FHL2: variants seen among roughly 807,000 people sequenced by gnomAD.
FHL2 encodes four and a half LIM domains 2, also known as four and a half LIM domains protein 2.
A neutral mutation model predicts 32.7 loss-of-function variants in FHL2; 20 were observed. The ratio of observed to expected loss-of-function variants is 0.61; its 90% CI spans 0.43 to 0.89. The LOEUF (loss-of-function observed/expected upper bound fraction) is 0.89, where lower values mean the gene tolerates loss of function less well. Ranked by LOEUF, FHL2 falls within the 40% of genes least tolerant of loss-of-function variation. The pLI, the probability that FHL2 is intolerant of heterozygous loss-of-function variation, is 0.00. For missense variants in FHL2, 311 were observed against 358.6 expected (o/e 0.87, Z 1.07); for synonymous variants, 123 against 128.1 (o/e 0.96, Z 0.27).
intron 2 of FHL2, among the ~76,000 whole-genome samples, chr2:105,387,135 A>C (rs2104590855): frequency 6.6e-6 from 1 of 152,314 alleles, no homozygotes; most frequent in South Asian, 2.1e-4. Flanking sequence ...TTTTAAATGC[A>C]GGTAAGGGCT....
chr2:105,380,396 A>G (rs1681802977), intron 3 of FHL2, among the ~76,000 whole-genome samples: 1 of 152,084 alleles, frequency 6.6e-6, no homozygotes, highest in African/African-American at 2.4e-5. Context: ...CTGTCTATCT[A>G]TCATCTATCT....
rs1680222751 is a variant in FHL2, at chr2:105,361,145, A to G, written c.*138T>C. On this transcript the variant is annotated 3_prime_UTR_variant, in exon 7 of 7. Transcript: ENST00000530340. Reference sequence around the variant, plus strand: ...ACAAAGCACTAAAGGGTTTAAGCAAACGTGAGTATCACTGAAAAGCACTAG... The same window carrying G: ...ACAAAGCACTAAAGGGTTTAAGCAAGCGTGAGTATCACTGAAAAGCACTAG... 2 of 859,296 alleles carry G rather than the reference A, an allele frequency of 2.3e-6. No individual in the cohort carries two copies. Among genetic ancestry groups the G allele is most frequent in the Non-Finnish European group, 3.6e-6 (2 of 552,818 alleles). 53.2% of individuals were successfully genotyped at this position (859,296 alleles called of 1,614,324 possible). A position where few individuals can be genotyped will look rare whatever the true frequency, so the allele number is the denominator to read the frequency against.
At chr2:105,405,399 G>T (rs546392809) in intron 1 of FHL2, among the ~76,000 whole-genome samples, 5 of 152,224 alleles carry the variant, frequency 3.3e-5, no homozygotes, top group Non-Finnish European at 5.9e-5. Flanking sequence ...TGCCTCACTT[G>T]TTCCTCAGAA....
Position 105,363,481 on chromosome 2 carries a change from CG to C in FHL2, c.502-11del, listed in dbSNP as rs1680422397. ...CTCCCGTGGTGATGGGCTGCAGGGA[CG>C]AGGGGGAGAGTTAGTGTGGCCTCTG... On this transcript the variant is annotated splice_polypyrimidine_tract_variant and intron_variant, in intron 5 of 6. Transcript: ENST00000530340. 6.3e-7 allele frequency: 1 copy of C among 1,597,822 alleles called. No individual in the cohort carries two copies. The highest frequency in any genetic ancestry group is 8.5e-7 in the Non-Finnish European group (1 of 1,171,966).
chr2:105,424,842 A>C (rs1684209542), intron 1 of FHL2, among the ~76,000 whole-genome samples: 1 of 152,166 alleles, frequency 6.6e-6, no homozygotes, highest in African/African-American at 2.4e-5. Context: ...GGACACACGG[A>C]GGGGAACATC....
intron 1 of FHL2, among the ~76,000 whole-genome samples, chr2:105,412,757 G>A (rs1290787365): frequency 6.6e-6 from 1 of 152,188 alleles, no homozygotes; most frequent in Non-Finnish European, 1.5e-5. Flanking sequence ...CAGAGGCGGG[G>A]GCAGTGAAGC....
chr2:105,398,767 C>T, intron 1 of FHL2, 75 bp downstream of exon 1: 2 of 1,254,194 alleles, frequency 1.6e-6, no homozygotes, highest in Non-Finnish European at 2.1e-6. Context: ...CTCCTTTCTC[C>T]CGGCTTCTCC....
chr2:105,413,343 A>G (rs1351501179), intron 1 of FHL2, among the ~76,000 whole-genome samples: 1 of 152,214 alleles, frequency 6.6e-6, no homozygotes, highest in Non-Finnish European at 1.5e-5. Context: ...TAGTCAGACT[A>G]ACGAAACGAT....
chr2:105,419,465 T>C (rs2104666376), intron 1 of FHL2, among the ~76,000 whole-genome samples: 1 of 152,278 alleles, frequency 6.6e-6, no homozygotes, highest in East Asian at 1.9e-4. Context: ...AAGGAGGACA[T>C]AAATTTCCCT....
rs1681261716 is a variant in FHL2 at position 105,373,709 on chromosome 2, A to T, written c.181T>A (p.Trp61Arg). ...GAGCAGTGGAAACAGGCTTCATGCC[A>T]GTGCCGGTCCTTGTAAGACAAGTCC... ...CKDLSYKDRH[W>R]HEACFHCSQC... The change falls in exon 4 of 7, where the codon TGG becomes AGG. Residue 61 changes from tryptophan to arginine, a missense_variant. Coordinates refer to ENST00000530340, the MANE Select transcript of FHL2 (RefSeq NM_001318895.3). 1.9e-6 allele frequency: 3 copies of T among 1,614,012 alleles called. No homozygotes were observed. Among genetic ancestry groups the T allele is most frequent in the Non-Finnish European group, 2.5e-6 (3 of 1,180,044 alleles).
intron 1 of FHL2, among the ~76,000 whole-genome samples, chr2:105,428,686 C>T (rs1480205458): frequency 6.6e-6 from 1 of 152,184 alleles, no homozygotes; most frequent in African/African-American, 2.4e-5. Flanking sequence ...CTGTTGTGGC[C>T]TGGGTTGCCA....
chr2:105,379,637 G>GT (rs1165903177), intron 3 of FHL2, among the ~76,000 whole-genome samples: 3 of 152,172 alleles, frequency 2.0e-5, no homozygotes, highest in Admixed American at 1.3e-4. Context: ...CTGTGCTCCT[G>GT]TTTTTTACCT....
intron 3 of FHL2, among the ~76,000 whole-genome samples, chr2:105,374,946 G>A (rs1681358753): frequency 6.6e-6 from 1 of 152,198 alleles, no homozygotes; most frequent in African/African-American, 2.4e-5. Context: ...GCACAGGAGG[G>A]CTGTTCACGC....
chr2:105,362,954 AG>A (rs1338019075), intron 6 of FHL2: 4 of 287,774 alleles, frequency 1.4e-5, no homozygotes, highest in African/African-American at 4.3e-5. Context: ...ACAGCTGCTA[AG>A]CCTGAAAAGG....
intron 1 of FHL2, among the ~76,000 whole-genome samples, chr2:105,405,031 C>A (rs11888592): frequency 6.6e-6 from 1 of 151,810 alleles, no homozygotes; most frequent in Non-Finnish European, 1.5e-5. Context: ...CATTAATGAC[C>A]AATAGAATGA....
intron 1 of FHL2, among the ~76,000 whole-genome samples, chr2:105,420,497 G>T (rs1684068863): frequency 6.6e-6 from 1 of 152,052 alleles, no homozygotes; most frequent in Non-Finnish European, 1.5e-5. Context: ...TATCAATTTG[G>T]GGGAGAGACA....
intron 1 of FHL2, among the ~76,000 whole-genome samples, chr2:105,427,794 G>A (rs1167625883): frequency 6.6e-6 from 1 of 152,064 alleles, no homozygotes; most frequent in Non-Finnish European, 1.5e-5. Flanking sequence ...TGAGGCTTTG[G>A]GCTCAGAGAA....
At position 105,382,401 on chromosome 2, in the gene FHL2, T is replaced by C. The variant is rs6743278; in HGVS notation, c.156+3960A>G. 3.3e-3 allele frequency among the ~76,000 whole-genome samples: 508 copies of C among 152,338 alleles called. 1 individual carries two copies. Among genetic ancestry groups the C allele is most frequent in the African/African-American group, 0.012 (482 of 41,580 alleles). ...GCAGGTAGCAGGTGGCATCACATGCTAGGTGAGGACCCTCCGGGTCTGGGC... is the reference window on the plus strand; with the variant it reads ...GCAGGTAGCAGGTGGCATCACATGCCAGGTGAGGACCCTCCGGGTCTGGGC... On this transcript the variant is annotated intron_variant, in intron 3 of 6. Transcript: ENST00000530340.
At chr2:105,396,916 C>T in intron 1 of FHL2, 1 of 531,058 alleles carries the variant, frequency 1.9e-6, no homozygotes, top group Non-Finnish European at 3.3e-6. Context: ...GCGACTCAGG[C>T]CCGGTGCTGA....
Sources: allele counts gnomAD v4.1 joint callset (sites outside exome capture counted in the v4.1 genomes callset), GRCh38; gene constraint gnomAD v4.1.1; transcripts MANE v1.5; gene names NCBI Gene and HGNC (gene_info 2026-07-23, HGNC 2026-07-21).